The following TCF12 variants were observed in gnomAD, a reference collection of about 807,000 sequenced individuals.
The protein encoded by TCF12 is transcription factor 12, also known as DNA-binding protein HTF4.
Under a neutral mutation model 86.0 loss-of-function variants are expected in TCF12, and 45 were observed. The ratio of observed to expected loss-of-function variants is 0.52; its 90% CI spans 0.41 to 0.67. TCF12 has a LOEUF of 0.67. Among genes scored for constraint, TCF12 ranks in the 30% least tolerant of loss-of-function variants. The probability of loss-of-function intolerance (pLI) is 0.00; values close to 1 mark genes in which losing one functional copy is unlikely to be tolerated. For missense variants in TCF12, 881 were observed against 859.9 expected, an observed-to-expected ratio of 1.02 and a Z score of -0.31; for synonymous variants, 330 against 299.6, an observed-to-expected ratio of 1.10 and a Z score of -1.05.
intron 8 of TCF12, among the ~76,000 whole-genome samples, chr15:57,223,594 A>G (rs1214122045): frequency 3.6e-5 from 5 of 140,038 alleles, no homozygotes; most frequent in African/African-American, 1.0e-4. Context: ...AGAATTAATC[A>G]TACTGAAAAT....
At chr15:57,254,857 CAAAAAAAA>C (rs777934020) in intron 16 of TCF12, among the ~76,000 whole-genome samples, 1 of 102,602 alleles carries the variant, frequency 9.7e-6, no homozygotes, top group African/African-American at 4.6e-5. Flanking sequence ...GACCCTGTCT[CAAAAAAAA>C]AAAAAAAAAA....
intron 3 of TCF12, among the ~76,000 whole-genome samples, chr15:56,978,751 G>A (rs1286598362): frequency 6.6e-6 from 1 of 152,110 alleles, no homozygotes; most frequent in Non-Finnish European, 1.5e-5. Context: ...TGGCTCTTTA[G>A]TGGGGCCTAC....
At chr15:57,007,890 CT>C (rs2064546164) in intron 3 of TCF12, among the ~76,000 whole-genome samples, 2 of 118,472 alleles carry the variant, frequency 1.7e-5, no homozygotes, top group Admixed American at 1.2e-4. Flanking sequence ...TCCTTCCTTC[CT>C]TCCTTCCTTC....
chr15:57,004,599 C>T (rs963961743), intron 3 of TCF12, among the ~76,000 whole-genome samples: 3 of 151,976 alleles, frequency 2.0e-5, no homozygotes, highest in East Asian at 1.9e-4. Context: ...TTAGTAGAGA[C>T]GGGGTTTCAT....
At chr15:57,156,477 A>G (rs1218468149) in intron 5 of TCF12, among the ~76,000 whole-genome samples, 1 of 152,222 alleles carries the variant, frequency 6.6e-6, no homozygotes, top group Non-Finnish European at 1.5e-5. Flanking sequence ...TTATGACCAA[A>G]TAGTTGATGA....
chr15:57,188,661 C>T (rs552406862), intron 6 of TCF12, among the ~76,000 whole-genome samples: 2 of 152,260 alleles, frequency 1.3e-5, no homozygotes, highest in African/African-American at 4.8e-5. Flanking sequence ...AATTGATTTT[C>T]AACAAGATAC....
intron 3 of TCF12, among the ~76,000 whole-genome samples, chr15:56,985,004 C>G (rs1185275857): frequency 6.6e-6 from 1 of 152,150 alleles, no homozygotes; most frequent in Non-Finnish European, 1.5e-5. Flanking sequence ...ATTATAGCAA[C>G]TAAAAGTCAG....
chr15:57,104,244 C>T (rs900388946), intron 5 of TCF12, among the ~76,000 whole-genome samples: 1 of 151,784 alleles, frequency 6.6e-6, no homozygotes, highest in Non-Finnish European at 1.5e-5. Context: ...GAAAAAAATA[C>T]TTAAATAAGA....
intron 8 of TCF12, among the ~76,000 whole-genome samples, chr15:57,229,818 AT>A (rs1470757856): frequency 1.3e-5 from 2 of 151,932 alleles, no homozygotes; most frequent in Non-Finnish European, 2.9e-5. Context: ...TGTTAACACC[AT>A]TTTACAAAAG....
At chr15:57,268,180 C>A (rs780423145) in intron 18 of TCF12, among the ~76,000 whole-genome samples, 4 of 152,016 alleles carry the variant, frequency 2.6e-5, no homozygotes, top group Non-Finnish European at 5.9e-5. Flanking sequence ...GTGCCTGGGC[C>A]CCAACCCAAA....
intron 4 of TCF12, among the ~76,000 whole-genome samples, chr15:57,085,790 A>C (rs1419660096): frequency 6.6e-6 from 1 of 152,162 alleles, no homozygotes; most frequent in Non-Finnish European, 1.5e-5. Flanking sequence ...ATTTATATCC[A>C]GGCCTCATCC....
intron 8 of TCF12, among the ~76,000 whole-genome samples, chr15:57,223,241 A>G (rs2058684783): frequency 1.3e-5 from 2 of 151,998 alleles, no homozygotes; most frequent in South Asian, 2.1e-4. Flanking sequence ...CTGTCCCCCA[A>G]AAGCACATTT....
At chr15:57,227,456 G>A (rs1367022907) in intron 8 of TCF12, among the ~76,000 whole-genome samples, 1 of 152,090 alleles carries the variant, frequency 6.6e-6, no homozygotes, top group Non-Finnish European at 1.5e-5. Flanking sequence ...ACTCAAATTT[G>A]TTGTATGAAC....
intron 3 of TCF12, among the ~76,000 whole-genome samples, chr15:57,035,606 G>A (rs1196655295): frequency 6.6e-6 from 1 of 152,128 alleles, no homozygotes; most frequent in Admixed American, 6.6e-5. Flanking sequence ...AGCATGAAAA[G>A]TGTTTGTAGT....
intron 13 of TCF12, among the ~76,000 whole-genome samples, chr15:57,248,430 T>G (rs1051669623): frequency 1.3e-4 from 20 of 152,220 alleles, no homozygotes; most frequent in Non-Finnish European, 2.1e-4. Flanking sequence ...AGTAAGAGAA[T>G]AAGTTTACTA....
upstream of TCF12, chr15:56,918,328 C>A (rs773679463): frequency 8.9e-6 from 4 of 448,900 alleles, no homozygotes; most frequent in Non-Finnish European, 1.8e-5. Flanking sequence ...GGCCGAGAAC[C>A]AGCAAGACCA....
chr15:57,112,209 G>C (rs888112376), intron 5 of TCF12, among the ~76,000 whole-genome samples: 1 of 152,162 alleles, frequency 6.6e-6, no homozygotes, highest in African/African-American at 2.4e-5. Context: ...AGAAAGGCCT[G>C]GGGGTGGGAA....
intron 18 of TCF12, among the ~76,000 whole-genome samples, chr15:57,271,319 G>A (rs2061131941): frequency 6.6e-6 from 1 of 152,194 alleles, no homozygotes; most frequent in South Asian, 2.1e-4. Context: ...CCCTGCCAAA[G>A]TTAGGCATCC....
intron 5 of TCF12, among the ~76,000 whole-genome samples, chr15:57,163,066 T>A (rs1192418882): frequency 6.6e-6 from 1 of 151,980 alleles, no homozygotes; most frequent in Non-Finnish European, 1.5e-5. Flanking sequence ...CCCAGCTACT[T>A]GGGAGGCTGA....
Sources: allele counts gnomAD v4.1 joint callset (sites outside exome capture counted in the v4.1 genomes callset), GRCh38; gene constraint gnomAD v4.1.1; transcripts MANE v1.5; gene names NCBI Gene and HGNC (gene_info 2026-07-23, HGNC 2026-07-21).